The following FNBP1 variants were observed in gnomAD, a reference collection of about 807,000 sequenced individuals.
The protein encoded by FNBP1 is formin-binding protein 1.
FNBP1 carries 26 observed loss-of-function variants against 90.6 expected under a neutral mutation model. The observed-to-expected ratio is 0.29, with a 90% CI of 0.21 to 0.40. The LOEUF (loss-of-function observed/expected upper bound fraction) is 0.40, where lower values mean the gene tolerates loss of function less well. Among genes scored for constraint, FNBP1 ranks in the 10% least tolerant of loss-of-function variants. The probability of loss-of-function intolerance (pLI) is 1.00; values close to 1 mark genes in which losing one functional copy is unlikely to be tolerated. For missense variants in FNBP1, 635 were observed against 768.0 expected, an observed-to-expected ratio of 0.83 and a Z score of 2.05; for synonymous variants, 260 against 265.2, an observed-to-expected ratio of 0.98 and a Z score of 0.19.
intron 6 of FNBP1, among the ~76,000 whole-genome samples, chr9:129,941,128 C>G (rs923651149): frequency 1.2e-4 from 19 of 152,140 alleles, no homozygotes; most frequent in Non-Finnish European, 4.4e-5. Context: ...GTGGCTCACG[C>G]CTGTAATCCC....
intron 2 of FNBP1, among the ~76,000 whole-genome samples, chr9:129,992,205 A>G (rs2053272719): frequency 6.6e-6 from 1 of 152,168 alleles, no homozygotes; most frequent in African/African-American, 2.4e-5. Context: ...CTGTCGTGGG[A>G]AGAATACCAG....
upstream of FNBP1, among the ~76,000 whole-genome samples, chr9:130,046,174 T>C (rs1193603814): frequency 6.6e-6 from 1 of 152,062 alleles, no homozygotes; most frequent in Non-Finnish European, 1.5e-5. Context: ...ACTAATGAGA[T>C]GACTGATGGC....
At chr9:129,994,808 C>A (rs576887327) in intron 2 of FNBP1, 35 bp downstream of exon 2, 1 of 907,508 alleles carries the variant, frequency 1.1e-6, no homozygotes, top group South Asian at 1.5e-5. Context: ...CATCATTTTG[C>A]AGTTAACAAA....
chr9:130,011,823 T>C (rs1020702070), intron 1 of FNBP1, among the ~76,000 whole-genome samples: 4 of 152,224 alleles, frequency 2.6e-5, no homozygotes, highest in Non-Finnish European at 4.4e-5. Flanking sequence ...CCATATATTA[T>C]AGATATATCA....
At chr9:129,909,083 G>GA (rs754009910) in intron 11 of FNBP1, 84 bp from the exon 12 acceptor site, 4 of 876,250 alleles carry the variant, frequency 4.6e-6, no homozygotes, top group East Asian at 2.4e-5. Context: ...GCAGCCATGG[G>GA]GGGTGCAGAC....
intron 1 of FNBP1, among the ~76,000 whole-genome samples, chr9:130,005,335 A>G (rs115811128): frequency 0.012 from 1,594 of 130,468 alleles, 42 homozygotes; most frequent in African/African-American, 0.043. Flanking sequence ...CCATAGACAA[A>G]TTGAGATTTT....
intron 1 of FNBP1, among the ~76,000 whole-genome samples, chr9:130,022,158 C>T (rs2131936957): frequency 6.6e-6 from 1 of 152,188 alleles, no homozygotes; most frequent in Middle Eastern, 3.4e-3. Flanking sequence ...TGCACCCAGC[C>T]TCTTTCTCTT....
intron 1 of FNBP1, among the ~76,000 whole-genome samples, chr9:129,996,594 G>A (rs1000961317): frequency 2.0e-5 from 3 of 152,196 alleles, no homozygotes; most frequent in Non-Finnish European, 1.5e-5. Flanking sequence ...CATGCGAAAT[G>A]GGGAAGTGCC....
intron 2 of FNBP1, among the ~76,000 whole-genome samples, chr9:129,991,659 CT>C (rs199704427): frequency 0.098 from 13,646 of 138,782 alleles, 649 homozygotes; most frequent in Admixed American, 0.14. Context: ...TAGACATTTC[CT>C]TTTTTTTTTT....
In FNBP1 at chr9:129,908,802, C is replaced by T. The variant is rs536408664; in HGVS notation, c.1295+88G>A. On this transcript the variant is annotated intron_variant, in intron 12 of 16. Coordinates refer to ENST00000446176, the MANE Select transcript of FNBP1 (RefSeq NM_015033.3). ...TCTTGACCTCAGGTGATCCACCCAC[C>T]GCAGCCTCCCAAAGTGCTGGGATTA... 893 of 804,210 alleles carry T rather than the reference C, an allele frequency of 1.1e-3. 4 individuals carry two copies. The highest frequency in any genetic ancestry group is 4.4e-3 in the South Asian group (289 of 66,324). 49.8% of individuals were successfully genotyped at this position (804,210 alleles called of 1,614,324 possible). A position where few individuals can be genotyped will look rare whatever the true frequency, so the allele number is the denominator to read the frequency against.
At chr9:130,026,214 G>T (rs2058324993) in intron 1 of FNBP1, among the ~76,000 whole-genome samples, 1 of 152,096 alleles carries the variant, frequency 6.6e-6, no homozygotes. Context: ...GAGAAAATTG[G>T]CCAGGCACGG....
At chr9:129,944,441 T>C (rs746668746) in intron 6 of FNBP1, among the ~76,000 whole-genome samples, 5 of 150,880 alleles carry the variant, frequency 3.3e-5, no homozygotes, top group Non-Finnish European at 5.9e-5. Context: ...CTTGGGACGC[T>C]GAGGCAGGAG....
intron 12 of FNBP1, among the ~76,000 whole-genome samples, chr9:129,905,394 C>T (rs190196857): frequency 1.5e-3 from 227 of 151,816 alleles, no homozygotes; most frequent in African/African-American, 5.3e-3. Context: ...TCACTGCACC[C>T]TCTGCCTCCC....
At chr9:130,003,921 C>A (rs370735760) in intron 1 of FNBP1, among the ~76,000 whole-genome samples, 1 of 1,276 alleles carries the variant, frequency 7.8e-4, no homozygotes. Flanking sequence ...GAGACTCCGC[C>A]TCAAAAAAAA....
chr9:130,008,715 G>C (rs2056151853), intron 1 of FNBP1, among the ~76,000 whole-genome samples: 2 of 152,096 alleles, frequency 1.3e-5, no homozygotes, highest in African/African-American at 2.4e-5. Flanking sequence ...GTCTAAATAT[G>C]AATTGGTCTC....
At chr9:130,052,904 C>A in the FNBP1 span, among the ~76,000 whole-genome samples, 1 of 151,836 alleles carries the variant, frequency 6.6e-6, no homozygotes, top group African/African-American at 2.4e-5. Context: ...AACTTGAGGT[C>A]AGGAGTTCGA....
upstream of FNBP1, among the ~76,000 whole-genome samples, chr9:130,046,593 A>AAAAAAAAAAAAC (rs2060061335): frequency 2.0e-5 from 3 of 148,728 alleles, no homozygotes; most frequent in African/African-American, 5.0e-5. Flanking sequence ...AAAAAAAAAA[A>AAAAAAAAAAAAC]AAAAAAAAAA....
At chr9:129,907,580 GGTGTGTGTGTGT>G (rs55973122) in intron 12 of FNBP1, among the ~76,000 whole-genome samples, 4,291 of 147,128 alleles carry the variant, frequency 0.029, 95 homozygotes, top group African/African-American at 0.067. Context: ...TAGGAGTGAG[GGTGTGTGTGTGT>G]GTGTGTGTGT....
At chr9:130,040,071 T>C (rs892114936) in intron 1 of FNBP1, among the ~76,000 whole-genome samples, 1 of 152,188 alleles carries the variant, frequency 6.6e-6, no homozygotes, top group Non-Finnish European at 1.5e-5. Flanking sequence ...CCTTAATCAC[T>C]GCCCTCCGCT....
Sources: gnomAD v4.1 joint callset for allele counts (sites outside exome capture counted in the v4.1 genomes callset) on GRCh38, gnomAD v4.1.1 for gene constraint, MANE v1.5 for transcripts, NCBI Gene and HGNC (gene_info 2026-07-23, HGNC 2026-07-21) for gene names.